XKR9: variants seen among roughly 807,000 people sequenced by gnomAD.
The protein encoded by XKR9 is XK related 9, also known as XK-related protein 9.
Under a neutral mutation model 32.0 loss-of-function variants are expected in XKR9, and 32 were observed. The ratio of observed to expected loss-of-function variants is 1.00; its 90% CI spans 0.76 to 1.34. The LOEUF is 1.34. XKR9 is among the 40% of genes most tolerant of loss of function. The probability of loss-of-function intolerance (pLI) is 0.00; values close to 1 mark genes in which losing one functional copy is unlikely to be tolerated. For missense variants in XKR9, 546 were observed against 429.7 expected (o/e 1.27, Z -2.39); for synonymous variants, 168 against 143.4 (o/e 1.17, Z -1.22).
chr8:70,969,236 A>G, the XKR9 span, among the ~76,000 whole-genome samples: 1 of 152,350 alleles, frequency 6.6e-6, no homozygotes, highest in Admixed American at 6.5e-5. Context: ...CATAGTAAGT[A>G]AAGCTAGTAA....
intron 4 of XKR9, among the ~76,000 whole-genome samples, chr8:70,725,878 C>G (rs1183631408): frequency 6.6e-6 from 1 of 152,186 alleles, no homozygotes; most frequent in South Asian, 2.1e-4. Flanking sequence ...TGTACTCTAG[C>G]CTGGATGACA....
At chr8:70,940,540 G>A in the XKR9 span, among the ~76,000 whole-genome samples, 1 of 151,960 alleles carries the variant, frequency 6.6e-6, no homozygotes, top group Non-Finnish European at 1.5e-5. Flanking sequence ...AGAATAAACT[G>A]AGATAATATA....
intron 2 of XKR9, among the ~76,000 whole-genome samples, chr8:70,765,400 T>C (rs1046253999): frequency 2.6e-5 from 4 of 152,240 alleles, no homozygotes; most frequent in African/African-American, 7.2e-5. Flanking sequence ...TTTTGAGAAG[T>C]GTTTGTTCAT....
intron 2 of XKR9, among the ~76,000 whole-genome samples, chr8:70,766,805 A>C (rs1427130478): frequency 6.6e-6 from 1 of 152,142 alleles, no homozygotes; most frequent in Non-Finnish European, 1.5e-5. Context: ...TTTTAGCATG[A>C]AGGGGTGTTG....
the XKR9 span, among the ~76,000 whole-genome samples, chr8:70,965,074 G>C: frequency 7.2e-4 from 109 of 152,230 alleles, 1 homozygote; most frequent in African/African-American, 2.5e-3. Context: ...TATGATATTA[G>C]CTGTGGGTTT....
At chr8:70,993,601 TCTTCCTTCCTTCCTTCCTTC>T in the XKR9 span, among the ~76,000 whole-genome samples, 5,978 of 105,090 alleles carry the variant, frequency 0.057, 254 homozygotes, top group East Asian at 0.12. Context: ...TCATAGGACA[TCTTCCTTCCTTCCTTCCTTC>T]CTTCCTTCCT....
the XKR9 span, among the ~76,000 whole-genome samples, chr8:70,902,416 T>C: frequency 6.6e-6 from 1 of 152,220 alleles, no homozygotes; most frequent in Non-Finnish European, 1.5e-5. Context: ...TTTGAAGCAA[T>C]TGTGAATGGG....
At chr8:70,764,894 A>G (rs1807354565) in intron 2 of XKR9, among the ~76,000 whole-genome samples, 1 of 152,176 alleles carries the variant, frequency 6.6e-6, no homozygotes, top group Non-Finnish European at 1.5e-5. Flanking sequence ...TTCCAGCTTC[A>G]TCCATGTCCC....
At chr8:70,701,366 C>T (rs1474918808) in intron 3 of XKR9, among the ~76,000 whole-genome samples, 8 of 152,120 alleles carry the variant, frequency 5.3e-5, no homozygotes, top group African/African-American at 1.9e-4. Flanking sequence ...TTTCTTTGTT[C>T]TCTGTAGGTC....
At chr8:70,744,535 A>AT (rs1189428791) in intron 2 of XKR9, among the ~76,000 whole-genome samples, 1 of 152,176 alleles carries the variant, frequency 6.6e-6, no homozygotes, top group East Asian at 1.9e-4. Context: ...AATCCAGTTC[A>AT]TTTTTTGTGA....
At chr8:71,038,085 AG>A in the XKR9 span, among the ~76,000 whole-genome samples, 2 of 152,082 alleles carry the variant, frequency 1.3e-5, no homozygotes, top group African/African-American at 2.4e-5. Context: ...TAATTTTTAA[AG>A]GGTTTTTTTT....
chr8:70,746,393 A>G (rs1031963984), intron 2 of XKR9, among the ~76,000 whole-genome samples: 10 of 147,520 alleles, frequency 6.8e-5, no homozygotes, highest in African/African-American at 2.5e-4. Context: ...ATAATTATAT[A>G]CAAAACAAAT....
the XKR9 span, among the ~76,000 whole-genome samples, chr8:70,903,260 C>T: frequency 6.6e-6 from 1 of 152,018 alleles, no homozygotes. Context: ...GCTGTGAATC[C>T]GTGTGATCCT....
At chr8:71,061,832 A>G in the XKR9 span, among the ~76,000 whole-genome samples, 1 of 152,226 alleles carries the variant, frequency 6.6e-6, no homozygotes, top group African/African-American at 2.4e-5. Flanking sequence ...GGAAGGTGGG[A>G]TGACAATTCT....
At chr8:70,980,143 C>T in the XKR9 span, among the ~76,000 whole-genome samples, 1 of 152,206 alleles carries the variant, frequency 6.6e-6, no homozygotes, top group African/African-American at 2.4e-5. Context: ...TGGAAGTGTC[C>T]TGATTTTCCT....
At chr8:70,791,611 C>T (rs961257165), downstream of XKR9, among the ~76,000 whole-genome samples, 2 of 151,816 alleles carry the variant, frequency 1.3e-5, no homozygotes, top group Non-Finnish European at 1.5e-5. Context: ...TTTCTCTTTC[C>T]CCCACCACTC....
At chr8:70,946,472 A>G in the XKR9 span, among the ~76,000 whole-genome samples, 1 of 152,206 alleles carries the variant, frequency 6.6e-6, no homozygotes, top group Non-Finnish European at 1.5e-5. Flanking sequence ...CGCTCTGCAT[A>G]CATATACCCT....
At chr8:70,927,213 G>T in the XKR9 span, among the ~76,000 whole-genome samples, 1 of 151,864 alleles carries the variant, frequency 6.6e-6, no homozygotes, top group Non-Finnish European at 1.5e-5. Context: ...GCTCAGTCTA[G>T]GGAGACAAGC....
At chr8:70,806,407 G>A in the XKR9 span, among the ~76,000 whole-genome samples, 1 of 152,234 alleles carries the variant, frequency 6.6e-6, no homozygotes, top group Admixed American at 6.5e-5. Flanking sequence ...AGAACTGGAC[G>A]GATAATGAGA....
Sources: gnomAD v4.1 joint callset for allele counts (sites outside exome capture counted in the v4.1 genomes callset) on GRCh38, gnomAD v4.1.1 for gene constraint, MANE v1.5 for transcripts, NCBI Gene and HGNC (gene_info 2026-07-23, HGNC 2026-07-21) for gene names.